Variants in MICU3 observed in about 807,000 individuals in gnomAD.
The protein encoded by MICU3 is mitochondrial calcium uptake 3, also known as calcium uptake protein 3, mitochondrial.
In MICU3, 62 loss-of-function variants were observed where a neutral mutation model predicts 66.5. The ratio of observed to expected loss-of-function variants is 0.93; its 90% CI spans 0.76 to 1.15. The LOEUF (loss-of-function observed/expected upper bound fraction) is 1.15. Among genes scored for constraint, MICU3 ranks in the 50% most tolerant of loss-of-function variants. The probability of loss-of-function intolerance (pLI) is 0.00; values close to 1 mark genes in which losing one functional copy is unlikely to be tolerated. For missense variants in MICU3, 779 were observed against 664.4 expected, an observed-to-expected ratio of 1.17 and a Z score of -1.90; for synonymous variants, 308 against 240.7, an observed-to-expected ratio of 1.28 and a Z score of -2.59.
At chr8:17,098,790 A>G (rs1351955223) in intron 9 of MICU3, among the ~76,000 whole-genome samples, 1 of 151,752 alleles carries the variant, frequency 6.6e-6, no homozygotes, top group East Asian at 1.9e-4. Flanking sequence ...TAGAAATTAG[A>G]ATATATATAT....
intron 9 of MICU3, among the ~76,000 whole-genome samples, chr8:17,103,774 C>G (rs73666276): frequency 0.082 from 12,406 of 151,736 alleles, 1,752 homozygotes; most frequent in African/African-American, 0.28. Context: ...ATCCATTTGA[C>G]GTGTTACGTA....
intron 1 of MICU3, among the ~76,000 whole-genome samples, chr8:17,058,055 G>T (rs1225665510): frequency 6.6e-6 from 1 of 152,020 alleles, no homozygotes. Flanking sequence ...TCACCATGTT[G>T]GCCAGGCTGG....
chr8:17,036,124 A>T (rs11984869), intron 1 of MICU3, among the ~76,000 whole-genome samples: 1 of 151,518 alleles, frequency 6.6e-6, no homozygotes, highest in African/African-American at 2.4e-5. Flanking sequence ...ATGTGTTCGG[A>T]GTTTCTTCCT....
chr8:17,066,518 TA>T (rs1563321230), intron 2 of MICU3, among the ~76,000 whole-genome samples: 1 of 13,406 alleles, frequency 7.5e-5, no homozygotes, highest in Non-Finnish European at 2.5e-4. Flanking sequence ...GTTAATAATC[TA>T]TATATATATA....
chr8:17,047,813 G>A (rs991649214), intron 1 of MICU3, among the ~76,000 whole-genome samples: 1 of 152,194 alleles, frequency 6.6e-6, no homozygotes, highest in Admixed American at 6.5e-5. Flanking sequence ...CCACTGAAGA[G>A]TGCATATCAG....
At chr8:17,128,525 C>T in the MICU3 span, among the ~76,000 whole-genome samples, 2 of 152,132 alleles carry the variant, frequency 1.3e-5, no homozygotes, top group Non-Finnish European at 2.9e-5. Flanking sequence ...TAAACAGATA[C>T]ACTTATGAGA....
chr8:17,100,333 A>G (rs1801148418), intron 9 of MICU3, among the ~76,000 whole-genome samples: 1 of 151,790 alleles, frequency 6.6e-6, no homozygotes, highest in Non-Finnish European at 1.5e-5. Context: ...AGTAAATCTG[A>G]TGGAGACAAT....
At chr8:17,058,768 G>A (rs1298093313) in intron 1 of MICU3, among the ~76,000 whole-genome samples, 1 of 152,176 alleles carries the variant, frequency 6.6e-6, no homozygotes, top group East Asian at 1.9e-4. Context: ...GCACTCTGAG[G>A]TGTAGCTTGG....
At chr8:17,053,828 A>G (rs1453474177) in intron 1 of MICU3, among the ~76,000 whole-genome samples, 1 of 152,228 alleles carries the variant, frequency 6.6e-6, no homozygotes, top group East Asian at 1.9e-4. Context: ...AAACGTTTTT[A>G]GCAAATGTGA....
At chr8:17,118,601 T>C in intron 13 of MICU3, 106 bp from the exon 14 acceptor site, 1 of 672,132 alleles carries the variant, frequency 1.5e-6, no homozygotes, top group Admixed American at 2.3e-5. Flanking sequence ...ATTAACATTC[T>C]ACTCTCCACT....
the MICU3 span, among the ~76,000 whole-genome samples, chr8:17,136,700 G>T: frequency 6.6e-6 from 1 of 152,042 alleles, no homozygotes; most frequent in African/African-American, 2.4e-5. Context: ...TGCAGGTATA[G>T]ATAGGAGTTG....
chr8:17,082,049 G>C (rs927597577), intron 5 of MICU3: 4 of 206,736 alleles, frequency 1.9e-5, no homozygotes, highest in Non-Finnish European at 3.9e-5. Context: ...ATTCCCTACT[G>C]TACTCATTTG....
downstream of MICU3, among the ~76,000 whole-genome samples, chr8:17,126,257 C>G (rs1181886976): frequency 1.3e-5 from 2 of 152,086 alleles, no homozygotes; most frequent in Non-Finnish European, 2.9e-5. Context: ...GAGTCTGCCA[C>G]TTTCAAGGTG....
intron 1 of MICU3, among the ~76,000 whole-genome samples, chr8:17,033,028 C>G (rs1812358431): frequency 6.6e-6 from 1 of 152,166 alleles, no homozygotes. Flanking sequence ...CAGCTTTTCC[C>G]TAGTCTCTTT....
intron 1 of MICU3, among the ~76,000 whole-genome samples, chr8:17,061,014 T>C (rs1817749345): frequency 6.6e-6 from 1 of 152,172 alleles, no homozygotes; most frequent in South Asian, 2.1e-4. Context: ...TTTCATACCC[T>C]TACTTAGGTG....
At position 17,105,503 on chromosome 8, in the gene MICU3, T is replaced by C. The variant is rs1236990712; in HGVS notation, c.1176T>C (p.Ala392=). 6.3e-7 allele frequency: 1 copy of C among 1,576,422 alleles called. No individual in the cohort carries two copies. Among genetic ancestry groups the C allele is most frequent in the African/African-American group, 1.4e-5 (1 of 73,212 alleles). The change falls in exon 11 of 15, where the codon GCT becomes GCC. Residue 392 remains alanine, a synonymous_variant. Coordinates refer to ENST00000318063, the MANE Select transcript of MICU3 (RefSeq NM_181723.3). Reference sequence around the variant, plus strand: ...ATACCATCAGTGAAGAAGATTTTGCTCATATTCTTTTACGATATACAAATG... The same window carrying C: ...ATACCATCAGTGAAGAAGATTTTGCCCATATTCTTTTACGATATACAAATG... ...GMNTISEEDF[A]HILLRYTNVE... is the part of the protein sequence containing the mutation.
chr8:17,037,887 C>T (rs1183777709), intron 1 of MICU3, among the ~76,000 whole-genome samples: 2 of 152,210 alleles, frequency 1.3e-5, no homozygotes, highest in Non-Finnish European at 2.9e-5. Context: ...CATTTTGGAG[C>T]TTTAAGATTT....
chr8:17,082,204 T>C (rs1821290287), intron 5 of MICU3, among the ~76,000 whole-genome samples: 1 of 152,154 alleles, frequency 6.6e-6, no homozygotes, highest in Non-Finnish European at 1.5e-5. Flanking sequence ...GGGTTTACTA[T>C]GTTTTCAGTT....
chr8:17,125,401 T>C (rs1803379870), downstream of MICU3, among the ~76,000 whole-genome samples: 1 of 152,176 alleles, frequency 6.6e-6, no homozygotes, highest in Non-Finnish European at 1.5e-5. Context: ...CCCATTTGTA[T>C]TTTGGGTTTC....
Sources: gnomAD v4.1 joint callset for allele counts (sites outside exome capture counted in the v4.1 genomes callset) on GRCh38, gnomAD v4.1.1 for gene constraint, MANE v1.5 for transcripts, NCBI Gene and HGNC (gene_info 2026-07-23, HGNC 2026-07-21) for gene names.